The following GLIS3 variants were observed in gnomAD, a reference collection of about 807,000 sequenced individuals.
GLIS3 encodes the protein GLIS family zinc finger 3.
Under a neutral mutation model 78.6 loss-of-function variants are expected in GLIS3, and 53 were observed. That is an observed-to-expected ratio of 0.67 (90% CI 0.54 to 0.85). The LOEUF (loss-of-function observed/expected upper bound fraction) is 0.85. GLIS3 is among the 40% of genes least tolerant of loss of function. GLIS3 has a pLI of 0.00. For synonymous variants in GLIS3, 684 were observed against 509.9 expected (o/e 1.34, Z -4.60); for missense variants, 1,703 against 1,231.1 (o/e 1.38, Z -5.74).
upstream of GLIS3, among the ~76,000 whole-genome samples, chr9:4,302,831 G>A (rs1268318468): frequency 6.6e-6 from 1 of 152,242 alleles, no homozygotes. Context: ...TGTAGGGAGT[G>A]TGGAGGAGGC....
At chr9:4,059,584 A>C (rs1826450805) in intron 4 of GLIS3, among the ~76,000 whole-genome samples, 1 of 152,134 alleles carries the variant, frequency 6.6e-6, no homozygotes, top group Non-Finnish European at 1.5e-5. Flanking sequence ...TTGAACATCC[A>C]TGGGAATAAC....
At chr9:4,449,385 G>C in the GLIS3 span, among the ~76,000 whole-genome samples, 32 of 152,318 alleles carry the variant, frequency 2.1e-4, 1 homozygote, top group South Asian at 6.0e-3. Flanking sequence ...CCCACCTCTG[G>C]TGGCAGGGCA....
intron 4 of GLIS3, among the ~76,000 whole-genome samples, chr9:4,064,727 G>C (rs1164421660): frequency 6.6e-6 from 1 of 152,200 alleles, no homozygotes; most frequent in Non-Finnish European, 1.5e-5. Flanking sequence ...CTGGGAGGTG[G>C]AGGTTGAAAT....
chr9:4,274,619 C>T (rs2130196870), intron 2 of GLIS3, among the ~76,000 whole-genome samples: 1 of 152,224 alleles, frequency 6.6e-6, no homozygotes, highest in South Asian at 2.1e-4. Flanking sequence ...CTCCAGTATC[C>T]CATGGGACTT....
At chr9:4,006,187 C>A (rs1354452350) in intron 4 of GLIS3, among the ~76,000 whole-genome samples, 1 of 151,400 alleles carries the variant, frequency 6.6e-6, no homozygotes, top group South Asian at 2.1e-4. Context: ...ATGTTAGGCC[C>A]TTTGCTGTAA....
At chr9:4,240,394 C>T (rs116870428) in intron 2 of GLIS3, among the ~76,000 whole-genome samples, 2 of 152,312 alleles carry the variant, frequency 1.3e-5, no homozygotes, top group African/African-American at 4.8e-5. Context: ...ACCCACCACT[C>T]ACCTCCTGCT....
At chr9:4,093,000 T>G (rs1395922170) in intron 4 of GLIS3, among the ~76,000 whole-genome samples, 1 of 152,132 alleles carries the variant, frequency 6.6e-6, no homozygotes, top group Non-Finnish European at 1.5e-5. Context: ...CGTCAGTAGG[T>G]GATAGGAATT....
intron 2 of GLIS3, among the ~76,000 whole-genome samples, chr9:4,269,158 A>G (rs1826280164): frequency 6.6e-6 from 1 of 152,230 alleles, no homozygotes; most frequent in Non-Finnish European, 1.5e-5. Flanking sequence ...GAAACATGTT[A>G]AAATGTCTCT....
rs977508066 is a variant in GLIS3 at position 3,852,230 on chromosome 9, C to T, written c.2473+3779G>A. On this transcript the variant is annotated intron_variant, in intron 9 of 10. Coordinates refer to ENST00000381971, the MANE Select transcript of GLIS3 (RefSeq NM_001042413.2). Reference sequence around the variant, plus strand: ...CATAGTTTGCTAAGGTAGCAATGCCCAGACATTTTATATTCTTATTTGTCT... The same window carrying T: ...CATAGTTTGCTAAGGTAGCAATGCCTAGACATTTTATATTCTTATTTGTCT... 5.9e-5 allele frequency among the ~76,000 whole-genome samples: 9 copies of T among 152,070 alleles called. No individual in the cohort carries two copies. In the East Asian group the frequency reaches 1.7e-3, roughly 29 times the overall value.
chr9:4,472,054 G>T, the GLIS3 span, among the ~76,000 whole-genome samples: 1 of 152,186 alleles, frequency 6.6e-6, no homozygotes, highest in African/African-American at 2.4e-5. Flanking sequence ...AAACCACAAG[G>T]AGATACCATC....
chr9:3,866,130 T>C (rs773527907), intron 8 of GLIS3, among the ~76,000 whole-genome samples: 2 of 152,212 alleles, frequency 1.3e-5, no homozygotes, highest in Non-Finnish European at 2.9e-5. Flanking sequence ...TCCATCCACA[T>C]TCATTCATTT....
chr9:4,416,170 T>G, the GLIS3 span, among the ~76,000 whole-genome samples: 1 of 143,300 alleles, frequency 7.0e-6, no homozygotes, highest in African/African-American at 2.6e-5. Context: ...GAGGATCGCT[T>G]GAGCCCAGGA....
chr9:4,177,430 T>A (rs137967444), intron 2 of GLIS3, among the ~76,000 whole-genome samples: 1 of 152,306 alleles, frequency 6.6e-6, no homozygotes, highest in African/African-American at 2.4e-5. Flanking sequence ...TTGGTTGACA[T>A]ACATGGTCAA....
At chr9:4,440,978 C>G in the GLIS3 span, among the ~76,000 whole-genome samples, 1 of 151,726 alleles carries the variant, frequency 6.6e-6, no homozygotes, top group Non-Finnish European at 1.5e-5. Flanking sequence ...TATAGGAACA[C>G]TCCTGATTTT....
the GLIS3 span, among the ~76,000 whole-genome samples, chr9:4,398,577 G>A: frequency 1.3e-5 from 2 of 151,924 alleles, no homozygotes; most frequent in African/African-American, 2.4e-5. Context: ...TTAAGGGCTA[G>A]GTCAGCAGCT....
chr9:4,162,299 C>T (rs1208862991), intron 2 of GLIS3, among the ~76,000 whole-genome samples: 2 of 152,104 alleles, frequency 1.3e-5, no homozygotes, highest in African/African-American at 2.4e-5. Context: ...ATTACATCTA[C>T]AAAAGCTCTA....
chr9:4,057,743 T>C (rs1189700184), intron 4 of GLIS3, among the ~76,000 whole-genome samples: 1 of 152,080 alleles, frequency 6.6e-6, no homozygotes, highest in Non-Finnish European at 1.5e-5. Context: ...TTTTCAATGG[T>C]ACCAAAAGGA....
chr9:4,198,606 T>C (rs1216636364), intron 2 of GLIS3, among the ~76,000 whole-genome samples: 2 of 151,814 alleles, frequency 1.3e-5, no homozygotes, highest in African/African-American at 4.8e-5. Context: ...CTGAGAGAAG[T>C]GGAGAAAAAG....
the GLIS3 span, among the ~76,000 whole-genome samples, chr9:4,430,995 AC>A: frequency 2.6e-5 from 4 of 152,166 alleles, no homozygotes; most frequent in Non-Finnish European, 4.4e-5. Context: ...AGATCCTGGC[AC>A]ACAGAAGAGC....
Sources: gnomAD v4.1 joint callset for allele counts (sites outside exome capture counted in the v4.1 genomes callset) on GRCh38, gnomAD v4.1.1 for gene constraint, MANE v1.5 for transcripts, NCBI Gene and HGNC (gene_info 2026-07-23, HGNC 2026-07-21) for gene names.